GPC5: variants seen among roughly 807,000 people sequenced by gnomAD.
GPC5 encodes the protein glypican 5.
A neutral mutation model predicts 53.9 loss-of-function variants in GPC5; 47 were observed. The observed-to-expected ratio is 0.87, with a 90% CI of 0.69 to 1.11. GPC5 has a LOEUF of 1.11. Among genes scored for constraint, GPC5 ranks in the 50% most tolerant of loss-of-function variants. The probability of loss-of-function intolerance (pLI) is 0.00; values close to 1 mark genes in which losing one functional copy is unlikely to be tolerated. For synonymous variants in GPC5, 286 were observed against 263.3 expected (o/e 1.09, Z -0.84); for missense variants, 748 against 713.1 (o/e 1.05, Z -0.56).
chr13:92,537,603 A>G (rs1459799892), intron 7 of GPC5, among the ~76,000 whole-genome samples: 1 of 152,086 alleles, frequency 6.6e-6, no homozygotes, highest in Non-Finnish European at 1.5e-5. Flanking sequence ...TAAGTTTACA[A>G]CCAGTCTCCT....
intron 7 of GPC5, among the ~76,000 whole-genome samples, chr13:92,706,558 G>A (rs897439947): frequency 2.0e-5 from 3 of 151,950 alleles, no homozygotes; most frequent in African/African-American, 4.8e-5. Flanking sequence ...ATGATTTTTC[G>A]TCTTACTGCC....
intron 6 of GPC5, among the ~76,000 whole-genome samples, chr13:92,141,372 T>C (rs965947306): frequency 2.6e-5 from 4 of 152,168 alleles, no homozygotes; most frequent in Non-Finnish European, 5.9e-5. Context: ...CACGCAATTA[T>C]ATTTCTTGCT....
intron 7 of GPC5, among the ~76,000 whole-genome samples, chr13:92,823,076 A>C (rs1877727043): frequency 6.6e-6 from 1 of 152,158 alleles, no homozygotes; most frequent in African/African-American, 2.4e-5. Context: ...TAAAATGGAC[A>C]AAAATGACCT....
intron 7 of GPC5, among the ~76,000 whole-genome samples, chr13:92,277,744 C>A (rs143143394): frequency 2.0e-4 from 30 of 151,978 alleles, no homozygotes; most frequent in African/African-American, 7.2e-4. Context: ...GCACTGCAGA[C>A]AACTTGTTTC....
At chr13:91,556,642 A>T (rs1262953977) in intron 2 of GPC5, among the ~76,000 whole-genome samples, 2 of 151,898 alleles carry the variant, frequency 1.3e-5, no homozygotes, top group Non-Finnish European at 2.9e-5. Flanking sequence ...ATTCAGCCAT[A>T]AAAAGGAACA....
chr13:92,171,469 AGTTGTATACATTC>A (rs1242195166), intron 7 of GPC5, among the ~76,000 whole-genome samples: 8 of 152,120 alleles, frequency 5.3e-5, no homozygotes, highest in Non-Finnish European at 1.0e-4. Context: ...TTCCTGAAAT[AGTTGTATACATTC>A]TGAAATTACT....
chr13:91,399,398 G>C (rs61970356), intron 1 of GPC5, among the ~76,000 whole-genome samples, 189 bp downstream of exon 1: 41 of 152,184 alleles, frequency 2.7e-4, no homozygotes, highest in Non-Finnish European at 5.6e-4. Flanking sequence ...CAGCTCTGGG[G>C]ACCCCTAACC....
At chr13:92,264,089 T>C (rs1453565673) in intron 7 of GPC5, among the ~76,000 whole-genome samples, 1 of 152,118 alleles carries the variant, frequency 6.6e-6, no homozygotes, top group Non-Finnish European at 1.5e-5. Flanking sequence ...CATTTAAAAA[T>C]AAAATTTTAA....
chr13:92,833,436 G>T (rs546814751), intron 7 of GPC5, among the ~76,000 whole-genome samples: 54 of 152,180 alleles, frequency 3.5e-4, no homozygotes, highest in Non-Finnish European at 5.9e-4. Context: ...TTTAACTGTG[G>T]AATAGATTTT....
At chr13:92,155,723 T>A (rs1374068786) in intron 7 of GPC5, among the ~76,000 whole-genome samples, 1 of 151,866 alleles carries the variant, frequency 6.6e-6, no homozygotes, top group Non-Finnish European at 1.5e-5. Flanking sequence ...TTCTGCACAT[T>A]GTATTTATTT....
intron 7 of GPC5, among the ~76,000 whole-genome samples, chr13:92,242,934 T>C (rs1038159819): frequency 2.6e-5 from 4 of 152,228 alleles, no homozygotes; most frequent in African/African-American, 7.2e-5. Flanking sequence ...TTCTATTCAA[T>C]AATATTCCCA....
chr13:92,517,758 T>TAA, intron 7 of GPC5, among the ~76,000 whole-genome samples: 1 of 152,272 alleles, frequency 6.6e-6, no homozygotes, highest in South Asian at 2.1e-4. Flanking sequence ...CTGAAAATTC[T>TAA]AAAAATCAGA....
intron 2 of GPC5, among the ~76,000 whole-genome samples, chr13:91,527,190 A>G (rs997513766): frequency 2.9e-4 from 44 of 152,350 alleles, no homozygotes; most frequent in African/African-American, 9.9e-4. Context: ...CATCTTAGAC[A>G]AAACAACTCC....
chr13:92,628,278 T>TTTTTTTC (rs1885120899), intron 7 of GPC5, among the ~76,000 whole-genome samples: 1 of 113,948 alleles, frequency 8.8e-6, no homozygotes. Context: ...TTTTTTTTTT[T>TTTTTTTC]TTTTTTTTTT....
At chr13:92,298,831 C>G (rs191738915) in intron 7 of GPC5, among the ~76,000 whole-genome samples, 83 of 152,284 alleles carry the variant, frequency 5.5e-4, no homozygotes, top group African/African-American at 1.9e-3. Context: ...GCTGTAATCT[C>G]GTCCTGCCTC....
At chr13:91,628,883 A>G (rs951440514) in intron 2 of GPC5, among the ~76,000 whole-genome samples, 2 of 152,160 alleles carry the variant, frequency 1.3e-5, no homozygotes, top group African/African-American at 4.8e-5. Flanking sequence ...ATTTCTAATA[A>G]GCAGCTAGTC....
chr13:91,797,533 A>C (rs78146264), intron 5 of GPC5, among the ~76,000 whole-genome samples: 4,528 of 152,250 alleles, frequency 0.03, 97 homozygotes, highest in Non-Finnish European at 0.041. Context: ...TTCTTAACTG[A>C]GACAGATAAC....
chr13:91,647,139 A>G (rs938073566), intron 2 of GPC5, among the ~76,000 whole-genome samples: 1 of 150,450 alleles, frequency 6.6e-6, no homozygotes, highest in African/African-American at 2.4e-5. Context: ...GCATTCATTC[A>G]TGTAATATTT....
intron 7 of GPC5, among the ~76,000 whole-genome samples, chr13:92,805,283 A>G (rs1877052518): frequency 6.6e-6 from 1 of 152,102 alleles, no homozygotes; most frequent in African/African-American, 2.4e-5. Flanking sequence ...TTTCTTAAGT[A>G]AGAAGACTTC....
Sources: gnomAD v4.1 joint callset for allele counts (sites outside exome capture counted in the v4.1 genomes callset) on GRCh38, gnomAD v4.1.1 for gene constraint, MANE v1.5 for transcripts, NCBI Gene and HGNC (gene_info 2026-07-23, HGNC 2026-07-21) for gene names.